Variants in ANK1 observed in about 807,000 individuals in gnomAD.
ANK1 encodes the protein ankyrin 1.
In ANK1, 51 loss-of-function variants were observed where a neutral mutation model predicts 210.4. The observed-to-expected ratio is 0.24, with a 90% CI of 0.19 to 0.31. The LOEUF (loss-of-function observed/expected upper bound fraction) is 0.31, where lower values mean the gene tolerates loss of function less well. ANK1 is among the 10% of genes least tolerant of loss of function. The pLI is 1.00. For missense variants in ANK1, 2,051 were observed against 2,504.4 expected (o/e 0.82, Z 3.86); for synonymous variants, 967 against 1,025.9 (o/e 0.94, Z 1.10).
chr8:41,803,055 GAGAGA>G (rs1850283850), intron 1 of ANK1, among the ~76,000 whole-genome samples: 2 of 73,678 alleles, frequency 2.7e-5, no homozygotes, highest in Non-Finnish European at 5.5e-5. Context: ...AAGAAAGAAA[GAGAGA>G]AAGGAAGGAA....
intron 31 of ANK1, among the ~76,000 whole-genome samples, chr8:41,692,181 C>T (rs770993068): frequency 4.6e-5 from 7 of 152,028 alleles, no homozygotes; most frequent in African/African-American, 1.2e-4. Context: ...CTCAGCCACC[C>T]GAGTAGCTGG....
At chr8:41,803,035 A>AAGAAAGAG (rs1554630872) in intron 1 of ANK1, among the ~76,000 whole-genome samples, 25 of 87,136 alleles carry the variant, frequency 2.9e-4, no homozygotes, top group Non-Finnish European at 5.0e-4. Flanking sequence ...GAAAGAAAGA[A>AAGAAAGAG]AGAAAGAGAA....
At chr8:41,700,313 G>A (rs1283164738) in intron 22 of ANK1, 10 of 1,185,340 alleles carry the variant, frequency 8.4e-6, no homozygotes, top group Non-Finnish European at 1.2e-5. Flanking sequence ...CCTGGCTCCA[G>A]CTTATTAGCT....
intron 37 of ANK1, among the ~76,000 whole-genome samples, chr8:41,683,805 C>T (rs891014157): frequency 6.6e-6 from 1 of 152,048 alleles, no homozygotes. Context: ...AGGGGGCGGG[C>T]GAGGAAGGTG....
At chr8:41,856,870 C>G (rs931882153) in intron 1 of ANK1, among the ~76,000 whole-genome samples, 2 of 142,490 alleles carry the variant, frequency 1.4e-5, no homozygotes, top group African/African-American at 5.6e-5. Flanking sequence ...TGCTTAACAG[C>G]CCTCTTTTTT....
intron 1 of ANK1, among the ~76,000 whole-genome samples, chr8:41,855,784 A>G (rs891699111): frequency 3.9e-4 from 59 of 152,206 alleles, no homozygotes; most frequent in Admixed American, 3.9e-3. Flanking sequence ...GCATTAACCC[A>G]AGGGGGTAGG....
chr8:41,733,986 T>C lies in ANK1; in HGVS notation c.213A>G (p.Leu71=), dbSNP rs562559269. The change falls in exon 3 of 43, where the codon CTA becomes CTG. Residue 71 remains leucine (L), a synonymous_variant. Transcript: ENST00000289734. The part of the protein sequence containing the change: ...VVELLHKEII[L]ETTTKKGNTA... ...TGAGACATACCTTGGTTGTCGTTTC[T>C]AGAATGATTTCTTTGTGCAGAAGTT... The C allele has an allele frequency of 3.1e-6, 5 of 1,614,236 alleles. No individual in the cohort carries two copies. Among genetic ancestry groups the C allele is most frequent in the Admixed American group, 3.3e-5 (2 of 60,032 alleles).
intron 39 of ANK1, chr8:41,665,084 T>A: frequency 1.0e-5 from 16 of 1,591,282 alleles, no homozygotes; most frequent in Non-Finnish European, 1.4e-5. Context: ...ACGGGGGGCC[T>A]GCCTCTCATT....
At position 41,724,543 on chromosome 8, in the gene ANK1, C is replaced by T. The variant is rs532040830; in HGVS notation, c.624G>A (p.Thr208=). 30 of 1,593,700 alleles carry T rather than the reference C, an allele frequency of 1.9e-5. No homozygotes were observed. In the African/African-American group the frequency reaches 2.5e-4, roughly 14 times the overall value. ...NPDVLSKTGF[T]PLHIAAHYEN... ...CGTAGTGAGCCGCAATGTGCAGGGG[C>T]GTGAATCCCGTCTGGGGCACAACAG... The change falls in exon 7 of 43, where the codon ACG becomes ACA. Residue 208 remains threonine, a synonymous_variant. Transcript: ENST00000289734.
At position 41,794,701 on chromosome 8, in the gene ANK1, G is replaced by A. The variant is rs905772077; in HGVS notation, c.27+2811C>T. The stretch of plus-strand genomic sequence containing the variant: ...TCATAAATGCTTGTTAAAGGTTTTT[G>A]TTTGTTTGTTTGTTTGTTTTTGAGG... On this transcript the variant is annotated intron_variant, in intron 1 of 42. Coordinates refer to ENST00000289734, the MANE Select transcript of ANK1 (RefSeq NM_000037.4). Among the ~76,000 whole-genome samples, 5 of 152,090 alleles carry A rather than the reference G, an allele frequency of 3.3e-5. No homozygotes were observed. In the East Asian group the frequency reaches 7.7e-4, roughly 24 times the overall value.
intron 37 of ANK1, among the ~76,000 whole-genome samples, chr8:41,683,316 GT>G (rs1816699700): frequency 6.6e-6 from 1 of 152,124 alleles, no homozygotes; most frequent in South Asian, 2.1e-4. Flanking sequence ...GCAATGGGAC[GT>G]GATCAGCAGA....
chr8:41,705,882 G>C (rs1372555921), intron 18 of ANK1, among the ~76,000 whole-genome samples: 1 of 152,218 alleles, frequency 6.6e-6, no homozygotes, highest in Admixed American at 6.5e-5. Flanking sequence ...ACTCATGTTA[G>C]ACAGGTCTTA....
At chr8:41,695,997 G>C (rs1054009513) in intron 26 of ANK1, among the ~76,000 whole-genome samples, 1 of 152,250 alleles carries the variant, frequency 6.6e-6, no homozygotes, top group African/African-American at 2.4e-5. Context: ...AGACCCTCAG[G>C]CTTCAGAGTG....
chr8:41,887,403 C>T (rs1328114467), intron 1 of ANK1, among the ~76,000 whole-genome samples: 2 of 151,772 alleles, frequency 1.3e-5, no homozygotes, highest in Admixed American at 6.6e-5. Context: ...GGCATGCCAC[C>T]ACACCTGGCT....
chr8:41,668,609 AAAG>A, intron 38 of ANK1, 45 bp from the exon 39 acceptor site: 1 of 1,575,438 alleles, frequency 6.3e-7, no homozygotes, highest in Non-Finnish European at 8.7e-7. Context: ...GGGAGAGAGA[AAAG>A]ACACCTGGTC....
rs1249018356 is a variant in ANK1, at chr8:41,672,832, A to G, written c.4618T>C (p.Tyr1540His). 1.2e-6 allele frequency: 2 copies of G among 1,612,190 alleles called. No homozygotes were observed. Among genetic ancestry groups the G allele is most frequent in the African/African-American group, 2.7e-5 (2 of 74,914 alleles). The change falls in exon 38 of 43, where the codon TAC becomes CAC. Residue 1540 changes from tyrosine (Y) to histidine (H), a missense_variant. By Grantham distance (83) the Tyr-to-His change is moderately conservative (BLOSUM62 2). Coordinates refer to ENST00000289734, the MANE Select transcript of ANK1 (RefSeq NM_000037.4). ...ALSSPLRADQ[Y>H]WNEVAVLDAI... is the part of the protein sequence containing the mutation. ...TCTAGGACGGCCACCTCATTCCAGT[A>G]CTGGTCTGCACGTAGCGGAGAGGAA...
At chr8:41,688,671 G>T in intron 33 of ANK1, 82 bp from the exon 34 acceptor site, 1 of 1,273,944 alleles carries the variant, frequency 7.8e-7, no homozygotes, top group South Asian at 1.2e-5. Flanking sequence ...TATGCTGCAG[G>T]GGTGTGGAAG....
chr8:41,838,069 A>G (rs917246202), intron 1 of ANK1, among the ~76,000 whole-genome samples: 6 of 152,158 alleles, frequency 3.9e-5, no homozygotes, highest in Non-Finnish European at 8.8e-5. Context: ...ACCAGTGCCT[A>G]CAAAGACAGT....
intron 3 of ANK1, among the ~76,000 whole-genome samples, chr8:41,732,534 T>G (rs1347329528): frequency 1.3e-5 from 2 of 151,934 alleles, no homozygotes; most frequent in Non-Finnish European, 2.9e-5. Flanking sequence ...TGCCTCAGCT[T>G]CCCGAGTAGC....
Sources: gnomAD v4.1 joint callset for allele counts (sites outside exome capture counted in the v4.1 genomes callset) on GRCh38, gnomAD v4.1.1 for gene constraint, MANE v1.5 for transcripts, NCBI Gene and HGNC (gene_info 2026-07-23, HGNC 2026-07-21) for gene names.